The following ILRUN variants were observed in gnomAD, a reference collection of about 807,000 sequenced individuals.
ILRUN encodes the protein protein ILRUN.
Under a neutral mutation model 33.8 loss-of-function variants are expected in ILRUN, and 3 were observed. The ratio of observed to expected loss-of-function variants is 0.09; its 90% CI spans 0.04 to 0.23. ILRUN has a LOEUF of 0.23. Among genes scored for constraint, ILRUN ranks in the 10% least tolerant of loss-of-function variants. The probability of loss-of-function intolerance (pLI) is 1.00; values close to 1 mark genes in which losing one functional copy is unlikely to be tolerated. For synonymous variants in ILRUN, 124 were observed against 138.9 expected (o/e 0.89, Z 0.75); for missense variants, 210 against 375.1 (o/e 0.56, Z 3.64).
At chr6:34,629,905 A>AGT (rs1335895601) in intron 3 of ILRUN, among the ~76,000 whole-genome samples, 18 of 152,348 alleles carry the variant, frequency 1.2e-4, no homozygotes, top group African/African-American at 2.9e-4. Flanking sequence ...TATGGAAAGT[A>AGT]CTAAATCCCA....
chr6:34,606,466 G>GT, intron 4 of ILRUN, 89 bp downstream of exon 4: 1 of 1,021,656 alleles, frequency 9.8e-7, no homozygotes, highest in South Asian at 1.6e-5. Context: ...TCTGGGGAGC[G>GT]GCAGTCTAGG....
chr6:34,642,209 C>A (rs1210834486), intron 3 of ILRUN, among the ~76,000 whole-genome samples: 1 of 152,150 alleles, frequency 6.6e-6, no homozygotes, highest in Admixed American at 6.5e-5. Flanking sequence ...GCTGGAGATG[C>A]CCATAGCAGC....
At chr6:34,661,575 C>T (rs1316005114) in intron 1 of ILRUN, among the ~76,000 whole-genome samples, 1 of 152,100 alleles carries the variant, frequency 6.6e-6, no homozygotes, top group Non-Finnish European at 1.5e-5. Flanking sequence ...TAAAAGACCA[C>T]TGCAAACATC....
At chr6:34,683,533 T>TA (rs1352632887) in intron 1 of ILRUN, among the ~76,000 whole-genome samples, 35 of 126,878 alleles carry the variant, frequency 2.8e-4, no homozygotes, top group African/African-American at 1.2e-3. Flanking sequence ...TATATACATA[T>TA]TGCACAGAAT....
intron 3 of ILRUN, among the ~76,000 whole-genome samples, chr6:34,639,848 C>T (rs1582069297): frequency 6.6e-6 from 1 of 152,136 alleles, no homozygotes; most frequent in Non-Finnish European, 1.5e-5. Context: ...GACCTTAAGC[C>T]TCTCTGGTCT....
intron 4 of ILRUN, among the ~76,000 whole-genome samples, chr6:34,597,107 TTACA>T (rs1362269287): frequency 1.3e-5 from 2 of 152,148 alleles, no homozygotes; most frequent in African/African-American, 2.4e-5. Flanking sequence ...CCTACTCCCC[TTACA>T]TATTTTTTAA....
At chr6:34,670,824 G>A (rs1338860378) in intron 1 of ILRUN, among the ~76,000 whole-genome samples, 3 of 137,166 alleles carry the variant, frequency 2.2e-5, no homozygotes, top group African/African-American at 2.8e-5. Flanking sequence ...TATCCTGGGT[G>A]ACAGAGTGAG....
intron 1 of ILRUN, among the ~76,000 whole-genome samples, chr6:34,661,384 G>C (rs1249932350): frequency 6.6e-6 from 1 of 152,084 alleles, no homozygotes; most frequent in African/African-American, 2.4e-5. Flanking sequence ...TAGGTGGTAG[G>C]CACAAGGCTA....
At chr6:34,627,433 G>C (rs751494410) in intron 3 of ILRUN, among the ~76,000 whole-genome samples, 2 of 152,204 alleles carry the variant, frequency 1.3e-5, no homozygotes, top group African/African-American at 4.8e-5. Flanking sequence ...GAGCACAGCT[G>C]CTGATGGGAG....
At chr6:34,633,188 G>T (rs1762283271) in intron 3 of ILRUN, among the ~76,000 whole-genome samples, 1 of 151,970 alleles carries the variant, frequency 6.6e-6, no homozygotes, top group African/African-American at 2.4e-5. Flanking sequence ...GGAAGAAAAG[G>T]GATATTACAC....
intron 4 of ILRUN, among the ~76,000 whole-genome samples, chr6:34,591,090 A>G (rs1761284407): frequency 6.6e-6 from 1 of 152,228 alleles, no homozygotes; most frequent in Non-Finnish European, 1.5e-5. Flanking sequence ...CTAGGGGCTT[A>G]TCCTACATTG....
chr6:34,646,546 G>A lies in ILRUN; in HGVS notation c.511+55C>T, dbSNP rs2127359906. On this transcript the variant is annotated intron_variant, in intron 3 of 4. Transcript: ENST00000374023. This position sits in a 1 kb window ranked among gnomAD's most constrained non-coding sequence, Gnocchi z 4.9. ...AGGCTCTGTGAGCAACACTGGGGAT[G>A]TTATAAGATGTTACCTTAGTTCCTT... 1.9e-6 allele frequency: 3 copies of A among 1,559,222 alleles called. No homozygotes were observed. The highest frequency in any genetic ancestry group is 2.6e-6 in the Non-Finnish European group (3 of 1,136,580).
intron 3 of ILRUN, among the ~76,000 whole-genome samples, chr6:34,641,145 G>A (rs1308162386): frequency 7.0e-6 from 1 of 142,952 alleles, no homozygotes; most frequent in Non-Finnish European, 1.5e-5. Flanking sequence ...CCTCCAAAAA[G>A]CAATCTTTTG....
At chr6:34,682,039 T>TTTTTTTTTA (rs1371036341) in intron 1 of ILRUN, among the ~76,000 whole-genome samples, 42 of 104,974 alleles carry the variant, frequency 4.0e-4, no homozygotes, top group Admixed American at 1.5e-3. Flanking sequence ...TTTATTTTTT[T>TTTTTTTTTA]ACTTTTTTTT....
intron 1 of ILRUN, among the ~76,000 whole-genome samples, chr6:34,673,551 A>G (rs183848853): frequency 6.6e-6 from 1 of 152,306 alleles, no homozygotes; most frequent in Admixed American, 6.5e-5. Context: ...GTGTTGATAA[A>G]CATTTAAACA....
chr6:34,684,571 G>C (rs1763475037), intron 1 of ILRUN, among the ~76,000 whole-genome samples: 1 of 152,184 alleles, frequency 6.6e-6, no homozygotes, highest in African/African-American at 2.4e-5. Context: ...AACAAAGGCT[G>C]TTAGGGGGCA....
At chr6:34,605,322 A>AC (rs1561998582) in intron 4 of ILRUN, among the ~76,000 whole-genome samples, 3 of 118,840 alleles carry the variant, frequency 2.5e-5, no homozygotes, top group Admixed American at 8.0e-5. Flanking sequence ...CAAAAACAAA[A>AC]AAAAAAAAAA....
chr6:34,657,166 T>C (rs1277538769), intron 1 of ILRUN, among the ~76,000 whole-genome samples: 4 of 152,250 alleles, frequency 2.6e-5, no homozygotes, highest in African/African-American at 7.2e-5. Flanking sequence ...AAAAGCTGTA[T>C]GTCTACCGTT....
At chr6:34,664,508 A>G (rs1582091492) in intron 1 of ILRUN, among the ~76,000 whole-genome samples, 1 of 152,166 alleles carries the variant, frequency 6.6e-6, no homozygotes, top group Non-Finnish European at 1.5e-5. Flanking sequence ...CATTTCCTTC[A>G]TAATAACTCT....
Sources: gnomAD v4.1 joint callset for allele counts (sites outside exome capture counted in the v4.1 genomes callset) on GRCh38, gnomAD v4.1.1 for gene constraint, Gnocchi (gnomAD v3.1) non-coding constraint, MANE v1.5 for transcripts, NCBI Gene and HGNC (gene_info 2026-07-23, HGNC 2026-07-21) for gene names.